The following SGK3 variants were observed in gnomAD, a reference collection of about 807,000 sequenced individuals.
SGK3 encodes serum/glucocorticoid regulated kinase family member 3, also known as serine/threonine-protein kinase Sgk3.
A neutral mutation model predicts 68.5 loss-of-function variants in SGK3; 47 were observed. That is an observed-to-expected ratio of 0.69 (90% confidence interval 0.54 to 0.87). The LOEUF is 0.87. SGK3 is among the 40% of genes least tolerant of loss of function. SGK3 has a pLI of 0.00. For missense variants in SGK3, 479 were observed against 575.5 expected (o/e 0.83, Z 1.72); for synonymous variants, 181 against 189.1 (o/e 0.96, Z 0.35).
chr8:66,821,564 G>T (rs1191381479), intron 5 of SGK3, among the ~76,000 whole-genome samples: 1 of 151,452 alleles, frequency 6.6e-6, no homozygotes, highest in Non-Finnish European at 1.5e-5. Flanking sequence ...CCAGGCTGGA[G>T]TGCAGTGGCA....
chr8:66,777,740 A>T (rs941549163), intron 1 of SGK3, among the ~76,000 whole-genome samples: 4 of 152,144 alleles, frequency 2.6e-5, no homozygotes, highest in African/African-American at 9.7e-5. Flanking sequence ...GAAAAGCCTG[A>T]CATTCAGAAT....
At chr8:66,799,043 C>T (rs2130593172) in intron 3 of SGK3, among the ~76,000 whole-genome samples, 1 of 152,210 alleles carries the variant, frequency 6.6e-6, no homozygotes, top group African/African-American at 2.4e-5. Context: ...TCTTAGGTTC[C>T]AGATTTTAAG....
intron 1 of SGK3, among the ~76,000 whole-genome samples, chr8:66,786,315 G>T (rs536332404): frequency 6.6e-6 from 1 of 152,148 alleles, no homozygotes; most frequent in Non-Finnish European, 1.5e-5. Context: ...AGACCACCTG[G>T]GTTCAAATCC....
intron 5 of SGK3, among the ~76,000 whole-genome samples, chr8:66,814,840 T>C (rs569117250): frequency 6.6e-6 from 1 of 152,346 alleles, no homozygotes; most frequent in South Asian, 2.1e-4. Context: ...TGGTTTGGCT[T>C]GTGTTTTCAT....
intron 1 of SGK3, among the ~76,000 whole-genome samples, chr8:66,724,116 G>A (rs1055887561): frequency 6.6e-6 from 1 of 152,038 alleles, no homozygotes; most frequent in African/African-American, 2.4e-5. Flanking sequence ...AGGACTACAG[G>A]CTCATGCCAC....
At chr8:66,728,162 C>T (rs112747631) in intron 1 of SGK3, among the ~76,000 whole-genome samples, 2,091 of 152,240 alleles carry the variant, frequency 0.014, 31 homozygotes, top group Non-Finnish European at 0.02. Context: ...TTCCAGCCAG[C>T]CCCAAGTAAT....
At chr8:66,745,324 C>G (rs559559624) in intron 1 of SGK3, among the ~76,000 whole-genome samples, 1 of 152,134 alleles carries the variant, frequency 6.6e-6, no homozygotes, top group Non-Finnish European at 1.5e-5. Flanking sequence ...GTAATCCCAG[C>G]ACTTTGGGAG....
At chr8:66,839,689 G>A (rs1244225333) in intron 10 of SGK3, 1 of 228,264 alleles carries the variant, frequency 4.4e-6, no homozygotes, top group African/African-American at 2.3e-5. Context: ...CAAGATCGTT[G>A]ATCTTCATCG....
intron 1 of SGK3, among the ~76,000 whole-genome samples, chr8:66,771,729 G>A (rs988062903): frequency 3.3e-5 from 5 of 152,070 alleles, no homozygotes; most frequent in Non-Finnish European, 7.4e-5. Flanking sequence ...AGGAGAGAGA[G>A]GGCTTAAGGA....
chr8:66,784,395 G>C (rs1387044755), intron 1 of SGK3, among the ~76,000 whole-genome samples: 1 of 152,040 alleles, frequency 6.6e-6, no homozygotes, highest in Non-Finnish European at 1.5e-5. Context: ...GCCTTGGTGT[G>C]AATCACCAAC....
At chr8:66,745,530 C>T (rs933227006) in intron 1 of SGK3, among the ~76,000 whole-genome samples, 7 of 152,064 alleles carry the variant, frequency 4.6e-5, no homozygotes, top group Admixed American at 6.6e-5. Context: ...GCCGAGACCA[C>T]GCCACTGCAC....
chr8:66,759,006 C>G (rs1194416208), intron 1 of SGK3, among the ~76,000 whole-genome samples: 2 of 152,028 alleles, frequency 1.3e-5, no homozygotes, highest in Non-Finnish European at 2.9e-5. Flanking sequence ...CAATGGGTTC[C>G]TTATGTTTTC....
Position 66,841,101 on chromosome 8 carries a change from G to C in SGK3, c.969G>C (p.Gly323=). ...CTGACACCACTACCACATTTTGTGG[G>C]ACACCAGAGGTAAGAAATATATCTC... ...AISDTTTTFC[G]TPEYLAPEVI... is the part of the protein sequence containing the mutation. Residue 323 remains glycine, a synonymous_variant, in exon 13 of 17, where the codon GGG becomes GGC. Coordinates refer to ENST00000521198, the MANE Select transcript of SGK3 (RefSeq NM_001033578.3). 1 of 1,583,644 alleles carries C rather than the reference G, an allele frequency of 6.3e-7. No homozygotes were observed. The highest frequency in any genetic ancestry group is 8.6e-7 in the Non-Finnish European group (1 of 1,166,444).
At chr8:66,716,321 C>A (rs1313492237) in intron 1 of SGK3, among the ~76,000 whole-genome samples, 1 of 152,112 alleles carries the variant, frequency 6.6e-6, no homozygotes, top group Non-Finnish European at 1.5e-5. Context: ...CCGAGGAAGA[C>A]AATGTGGAAA....
chr8:66,791,954 T>C (rs553930998), intron 1 of SGK3, among the ~76,000 whole-genome samples: 1 of 152,300 alleles, frequency 6.6e-6, no homozygotes, highest in South Asian at 2.1e-4. Flanking sequence ...ATGCTATAAT[T>C]TACAGACAGA....
chr8:66,735,760 A>G lies in SGK3; in HGVS notation c.-122+22927A>G, dbSNP rs116810977. Among the ~76,000 whole-genome samples the G allele has an allele frequency of 8.4e-3, 1,273 of 152,160 alleles. 10 individuals are homozygous for G. The highest frequency in any genetic ancestry group is 0.029 in the African/African-American group (1,219 of 41,516). ...AAATGTCATTGAATTGTGTTTTCTTATTTTCTTTTTTTTCTTAACCCTTCA... is the reference window on the plus strand; with the variant it reads ...AAATGTCATTGAATTGTGTTTTCTTGTTTTCTTTTTTTTCTTAACCCTTCA... On this transcript the variant is annotated intron_variant, in intron 1 of 16. Coordinates refer to ENST00000521198, the MANE Select transcript of SGK3 (RefSeq NM_001033578.3).
chr8:66,828,584 T>G, intron 6 of SGK3, 70 bp from the exon 7 acceptor site: 1 of 1,602,104 alleles, frequency 6.2e-7, no homozygotes, highest in Non-Finnish European at 8.5e-7. Flanking sequence ...TATAAATACT[T>G]TATTTCAAAA....
At chr8:66,838,239 T>G (rs559449615) in intron 10 of SGK3, among the ~76,000 whole-genome samples, 9 of 152,184 alleles carry the variant, frequency 5.9e-5, no homozygotes, top group Non-Finnish European at 1.0e-4. Flanking sequence ...CTAATTTTTG[T>G]ATTTTTAGTA....
At chr8:66,759,787 C>G (rs1227352821) in intron 1 of SGK3, among the ~76,000 whole-genome samples, 1 of 151,830 alleles carries the variant, frequency 6.6e-6, no homozygotes. Context: ...CTCAGCCTCC[C>G]GAGTAACCAG....
Sources: allele counts gnomAD v4.1 joint callset (sites outside exome capture counted in the v4.1 genomes callset), GRCh38; gene constraint gnomAD v4.1.1; transcripts MANE v1.5; gene names NCBI Gene and HGNC (gene_info 2026-07-23, HGNC 2026-07-21).